The following DNM2 variants were observed in gnomAD, a reference collection of about 807,000 sequenced individuals.
DNM2 encodes the protein dynamin-2.
In DNM2, 15 loss-of-function variants were observed where a neutral mutation model predicts 99.0. The observed-to-expected ratio is 0.15, with a 90% CI of 0.10 to 0.23. The LOEUF is 0.23. Ranked by LOEUF, DNM2 falls within the 10% of genes least tolerant of loss-of-function variation. The pLI is 1.00. For synonymous variants in DNM2, 525 were observed against 481.2 expected, an observed-to-expected ratio of 1.09 and a Z score of -1.19; for missense variants, 742 against 1,189.4, an observed-to-expected ratio of 0.62 and a Z score of 5.53.
rs2068834157 is a variant in DNM2 at position 10,718,664 on chromosome 19, G to A, written c.161+261G>A. ...GACAGGAGGTGCGCTGGAACCCTGC[G>A]GTCCATCTGGTCCCAGCTTTCGTGG... is the stretch of plus-strand genomic sequence containing the variant. On this transcript the variant is annotated intron_variant, in intron 1 of 20. Transcript: ENST00000389253. The A allele has an allele frequency of 1.5e-5, 5 of 338,712 alleles. No individual in the cohort carries two copies. In the East Asian group the frequency reaches 2.3e-4, roughly 15 times the overall value. The allele number at this position is 338,712 out of a possible 1,614,324, so 21.0% of individuals were successfully genotyped here. A position where few individuals can be genotyped will look rare whatever the true frequency, so the allele number is the denominator to read the frequency against.
intron 17 of DNM2, chr19:10,824,226 G>A (rs1021295800): frequency 2.7e-5 from 10 of 370,614 alleles, no homozygotes; most frequent in African/African-American, 6.3e-5. Flanking sequence ...TGCCGGGCAC[G>A]GTGGGTGGTT....
intron 2 of DNM2, among the ~76,000 whole-genome samples, chr19:10,771,978 C>T (rs1182366407): frequency 5.3e-5 from 8 of 152,092 alleles, no homozygotes; most frequent in African/African-American, 1.9e-4. Flanking sequence ...CCCCGCCTCC[C>T]CCAAGACCCT....
intron 18 of DNM2, 67 bp from the exon 19 acceptor site, chr19:10,828,969 A>T: frequency 6.6e-7 from 1 of 1,512,260 alleles, no homozygotes; most frequent in Non-Finnish European, 9.0e-7. Flanking sequence ...ATGTTTTTCC[A>T]GCAGTCACTG....
intron 12 of DNM2, chr19:10,802,569 G>A: frequency 1.5e-6 from 1 of 645,332 alleles, no homozygotes; most frequent in Admixed American, 2.1e-5. Flanking sequence ...CTTCTGTGAG[G>A]CATCCCCATG....
At chr19:10,737,465 A>G (rs2069571246) in intron 1 of DNM2, among the ~76,000 whole-genome samples, 1 of 151,778 alleles carries the variant, frequency 6.6e-6, no homozygotes, top group Non-Finnish European at 1.5e-5. Context: ...CATTCCTGTC[A>G]TTGTTCCACC....
chr19:10,745,899 G>A (rs954654021), intron 1 of DNM2, among the ~76,000 whole-genome samples: 2 of 152,168 alleles, frequency 1.3e-5, no homozygotes, highest in African/African-American at 2.4e-5. Context: ...ATGGTCTTTC[G>A]AAGCAGGAGG....
intron 1 of DNM2, among the ~76,000 whole-genome samples, chr19:10,736,103 A>G (rs2069513655): frequency 6.6e-6 from 1 of 151,976 alleles, no homozygotes; most frequent in Admixed American, 6.6e-5. Context: ...TCTCTACTAA[A>G]AATACAAAAA....
Position 10,816,889 on chromosome 19 carries a change from G to T in DNM2, c.1672-3091G>T, listed in dbSNP as rs983858183. Among the ~76,000 whole-genome samples the T allele has an allele frequency of 6.6e-6, 1 of 152,166 alleles. No individual in the cohort carries two copies. Among genetic ancestry groups the T allele is most frequent in the African/African-American group, 2.4e-5 (1 of 41,444 alleles). Reference sequence around the variant, plus strand: ...TCTCATCTGAGAGTTGAAAGCCAGAGCCCCCGACCCTCCCGTGGAGCCCCA... The same window carrying T: ...TCTCATCTGAGAGTTGAAAGCCAGATCCCCCGACCCTCCCGTGGAGCCCCA... On this transcript the variant is annotated intron_variant, in intron 15 of 20. Transcript: ENST00000389253. The surrounding 1 kb of genome is among the most constrained non-coding windows in gnomAD (Gnocchi z 4.6).
intron 18 of DNM2, 104 bp from the exon 19 acceptor site, chr19:10,828,932 T>C: frequency 8.1e-7 from 1 of 1,239,712 alleles, no homozygotes; most frequent in East Asian, 2.5e-5. Context: ...TTCAAAAAAG[T>C]CTGGGGGTGG....
Position 10,762,686 on chromosome 19 carries a change from C to T in DNM2, c.235+2875C>T, listed in dbSNP as rs561374843. Among the ~76,000 whole-genome samples the T allele has an allele frequency of 2.2e-4, 34 of 152,280 alleles. 1 individual carries two copies. The highest frequency in any genetic ancestry group is 2.1e-4 in the South Asian group (1 of 4,784). On this transcript the variant is annotated intron_variant, in intron 2 of 20. Coordinates refer to ENST00000389253, the MANE Select transcript of DNM2 (RefSeq NM_001005361.3). ...GTCCCCACCTTACAGAGGAGGGAGC[C>T]AAGGCTTCCTGACCACTTGCCTTAG...
At position 10,812,246 on chromosome 19, in the gene DNM2, C is replaced by G. The variant is rs1023895769; in HGVS notation, c.1558-18C>G. 1.3e-6 allele frequency: 2 copies of G among 1,573,888 alleles called. No individual in the cohort carries two copies. Among genetic ancestry groups the G allele is most frequent in the African/African-American group, 1.4e-5 (1 of 73,992 alleles). ...GCACGGAGCGAGGTTCCCTGCTAAG[C>G]TGCGCGCTTTCCCCCAGGTGATCCG... On this transcript the variant is annotated intron_variant, in intron 14 of 20. Coordinates refer to ENST00000389253, the MANE Select transcript of DNM2 (RefSeq NM_001005361.3). This position sits in a 1 kb window ranked among gnomAD's most constrained non-coding sequence, Gnocchi z 4.0.
At chr19:10,828,460 G>A (rs746955859) in intron 18 of DNM2, among the ~76,000 whole-genome samples, 14 of 151,994 alleles carry the variant, frequency 9.2e-5, no homozygotes, top group African/African-American at 2.7e-4. Flanking sequence ...GGTGGCAGGC[G>A]CCTGTAGTCC....
In DNM2 at chr19:10,830,310, C is replaced by G. The variant is rs1265914566; in HGVS notation, c.2475C>G (p.Phe825Leu). 6.2e-7 allele frequency: 1 copy of G among 1,613,634 alleles called. No individual in the cohort carries two copies. Among genetic ancestry groups the G allele is most frequent in the East Asian group, 2.2e-5 (1 of 44,880 alleles). The change falls in exon 20 of 21, where the codon TTC becomes TTG. Residue 825 changes from phenylalanine (F) to leucine (L), a missense_variant. Physicochemically the swap from Phe to Leu is conservative, Grantham distance 22. This residue lies in a region of DNM2 where 187 missense variants were observed against 218.8 expected (regional missense o/e 0.85). Coordinates refer to ENST00000389253, the MANE Select transcript of DNM2 (RefSeq NM_001005361.3). This position sits in a 1 kb window ranked among gnomAD's most constrained non-coding sequence, Gnocchi z 4.8. ...PQSVFANSDL[F>L]PAPPQIPSRP... ...GCGTGTTTGCCAACAGTGACCTCTT[C>G]CCAGCCCCGCCTCAGATCCCATCTC...
chr19:10,783,091 A>G lies in DNM2; in HGVS notation c.820A>G (p.Thr274Ala). Residue 274 changes from threonine (T) to alanine (A), a missense_variant, in exon 6 of 21, where the codon ACG (threonine) becomes GCG (alanine). Thr to Ala is a moderately conservative substitution (Grantham distance 58). This residue lies in a region of DNM2 where 192 missense variants were observed against 358.9 expected (regional missense o/e 0.54). Transcript: ENST00000389253. Reference protein sequence around the residue: ...AYRHMADRMGTPHLQKTLNQQ... With the variant: ...AYRHMADRMGAPHLQKTLNQQ... ...CCGGCACATGGCCGACCGCATGGGC[A>G]CGCCACATCTGCAGAAGACGCTGAA... 1 of 1,613,386 alleles carries G rather than the reference A, an allele frequency of 6.2e-7. No individual in the cohort carries two copies. Among genetic ancestry groups the G allele is most frequent in the Admixed American group, 1.7e-5 (1 of 60,026 alleles).
At chr19:10,766,525 G>C (rs991068368) in intron 2 of DNM2, among the ~76,000 whole-genome samples, 3 of 152,136 alleles carry the variant, frequency 2.0e-5, no homozygotes, top group Non-Finnish European at 4.4e-5. Flanking sequence ...TGGGGCCCCA[G>C]TTGGGGGTTC....
At position 10,812,236 on chromosome 19, in the gene DNM2, C is replaced by A. The variant is rs1033888973; in HGVS notation, c.1558-28C>A. On this transcript the variant is annotated intron_variant, in intron 14 of 20. Transcript: ENST00000389253. The surrounding 1 kb of genome is among the most constrained non-coding windows in gnomAD (Gnocchi z 4.0). ...GATGGCTGGGGCACGGAGCGAGGTTCCCTGCTAAGCTGCGCGCTTTCCCCC... is the reference window on the plus strand; with the variant it reads ...GATGGCTGGGGCACGGAGCGAGGTTACCTGCTAAGCTGCGCGCTTTCCCCC... 1.9e-6 allele frequency: 3 copies of A among 1,560,208 alleles called. No individual in the cohort carries two copies. Among genetic ancestry groups the A allele is most frequent in the Non-Finnish European group, 2.6e-6 (3 of 1,150,674 alleles).
intron 1 of DNM2, among the ~76,000 whole-genome samples, chr19:10,752,328 C>G (rs1206843871): frequency 6.6e-6 from 1 of 152,220 alleles, no homozygotes; most frequent in East Asian, 1.9e-4. Context: ...ACCCCAGGCC[C>G]AGAAAGTCAC....
rs551935983 is a variant in DNM2, at chr19:10,814,669, G to A, written c.1671+2292G>A. 1.2e-4 allele frequency among the ~76,000 whole-genome samples: 18 copies of A among 151,800 alleles called. 2 individuals carry two copies. The South Asian group carries it at 3.1e-3, about 26-fold the overall frequency. On this transcript the variant is annotated intron_variant, in intron 15 of 20. Coordinates refer to ENST00000389253, the MANE Select transcript of DNM2 (RefSeq NM_001005361.3). ...TCTACTCTCCACCTCTGTGAGATCC[G>A]CTCTTCTACCTTTTATTTTTTTAGC... is the stretch of plus-strand genomic sequence containing the variant.
chr19:10,778,225 G>A (rs2071222900), intron 5 of DNM2, among the ~76,000 whole-genome samples: 1 of 151,526 alleles, frequency 6.6e-6, no homozygotes, highest in African/African-American at 2.4e-5. Context: ...AATTGAGACA[G>A]GGTTTCACCA....
Sources: gnomAD v4.1 joint callset for allele counts (sites outside exome capture counted in the v4.1 genomes callset) on GRCh38, gnomAD v4.1.1 for gene constraint, gnomAD v4.1.1 regional missense constraint, Gnocchi (gnomAD v3.1) non-coding constraint, MANE v1.5 for transcripts, NCBI Gene and HGNC (gene_info 2026-07-23, HGNC 2026-07-21) for gene names.